The following BRD1 variants were observed in gnomAD, a reference collection of about 807,000 sequenced individuals.
The protein encoded by BRD1 is bromodomain-containing protein 1.
BRD1 carries 24 observed loss-of-function variants against 107.7 expected under a neutral mutation model. The ratio of observed to expected loss-of-function variants is 0.22; its 90% CI spans 0.16 to 0.31. BRD1 has a LOEUF of 0.31. BRD1 is among the 10% of genes least tolerant of loss of function. The pLI is 1.00. For missense variants in BRD1, 1,279 were observed against 1,638.6 expected, an observed-to-expected ratio of 0.78 and a Z score of 3.79; for synonymous variants, 744 against 686.1, an observed-to-expected ratio of 1.08 and a Z score of -1.32.
chr22:49,780,164 G>A (rs1331998903), intron 8 of BRD1, among the ~76,000 whole-genome samples: 1 of 152,096 alleles, frequency 6.6e-6, no homozygotes, highest in East Asian at 1.9e-4. Flanking sequence ...GAGATCACCC[G>A]CAGCTGTGCC....
intron 8 of BRD1, among the ~76,000 whole-genome samples, chr22:49,784,294 G>A (rs1211407514): frequency 6.9e-6 from 1 of 144,668 alleles, no homozygotes. Context: ...TCTCCGCAAC[G>A]GCGGCGAGTA....
In BRD1 at chr22:49,777,230, C is replaced by G. The variant is rs1453897109; in HGVS notation, c.2994-69G>C. ...CTTCAGCCTCACTCGGGCTTCGTCC[C>G]GTGAGCTGTCCGCCACCAAGCTGGC... On this transcript the variant is annotated intron_variant, in intron 9 of 12. Transcript: ENST00000404760. The G allele has an allele frequency of 1.9e-6, 3 of 1,588,868 alleles. No individual in the cohort carries two copies. In the South Asian group the frequency reaches 3.3e-5, roughly 18 times the overall value.
chr22:49,793,139 G>C (rs1220317758), intron 7 of BRD1, among the ~76,000 whole-genome samples: 3 of 152,196 alleles, frequency 2.0e-5, no homozygotes, highest in African/African-American at 7.2e-5. Flanking sequence ...CGTGTAACCG[G>C]AGCGTGTCAA....
chr22:49,780,106 C>A (rs564201083), intron 8 of BRD1, among the ~76,000 whole-genome samples: 1 of 152,262 alleles, frequency 6.6e-6, no homozygotes, highest in African/African-American at 2.4e-5. Flanking sequence ...ATGACCAGTG[C>A]GGCCTTCACA....
chr22:49,791,551 G>C (rs1285611119), intron 7 of BRD1, among the ~76,000 whole-genome samples: 1 of 152,226 alleles, frequency 6.6e-6, no homozygotes, highest in Non-Finnish European at 1.5e-5. Flanking sequence ...GAACGTTCAT[G>C]CTGGGTTTTT....
rs547261276 is a variant in BRD1, at chr22:49,776,179, C to T, written c.3122-20G>A. ...CGACTTCTGCGGAGAGGGGCGTCAG[C>T]AGGACACAGGCGTCAGCAGGACACG... On this transcript the variant is annotated intron_variant, in intron 10 of 12. Coordinates refer to ENST00000404760, the MANE Select transcript of BRD1 (RefSeq NM_001304808.3). 3 of 1,595,364 alleles carry T rather than the reference C, an allele frequency of 1.9e-6. No homozygotes were observed. The highest frequency in any genetic ancestry group is 2.2e-5 in the East Asian group (1 of 44,748).
chr22:49,824,165 G>T lies in BRD1; in HGVS notation c.153C>A (p.Ile51=), dbSNP rs1011860595. Residue 51 remains isoleucine (I), a synonymous_variant, in exon 2 of 13, where the codon ATC becomes ATA. Coordinates refer to ENST00000404760, the MANE Select transcript of BRD1 (RefSeq NM_001304808.3). The surrounding 1 kb of genome is among the most constrained non-coding windows in gnomAD (Gnocchi z 5.9). The part of the protein sequence containing the change: ...EIEIEGRLHR[I]SIFDPLEIIL... ...TGATCTCCAGGGGATCAAAAATACT[G>T]ATCCTGTGCAAGCGCCCTTCAATTT... is the stretch of plus-strand genomic sequence containing the variant. The T allele has an allele frequency of 9.3e-6, 15 of 1,613,946 alleles. No individual in the cohort carries two copies. Among genetic ancestry groups the T allele is most frequent in the Non-Finnish European group, 1.3e-5 (15 of 1,180,044 alleles).
At chr22:49,778,026 C>T (rs2059134201) in intron 8 of BRD1, among the ~76,000 whole-genome samples, 2 of 152,238 alleles carry the variant, frequency 1.3e-5, no homozygotes, top group Admixed American at 6.5e-5. Context: ...TAACAAACTG[C>T]AGTCGGCTCC....
Position 49,787,536 on chromosome 22 carries a change from G to A in BRD1, c.2711C>T (p.Pro904Leu). The change falls in exon 8 of 13, where the codon CCA (proline) becomes CTA (leucine). Residue 904 changes from proline (P) to leucine (L), a missense_variant. Physicochemically the swap from Pro to Leu is moderately conservative, Grantham distance 98 (BLOSUM62 -3). Transcript: ENST00000404760. Reference protein sequence around the residue: ...PKSAKNTETQPTSPQLGTKTF... With the variant: ...PKSAKNTETQLTSPQLGTKTF... ...TTTGGTCCCTAGCTGAGGAGAAGTT[G>A]GCTGGGTTTCAGTGTTCTTGGCAGA... is the stretch of plus-strand genomic sequence containing the variant. 1 of 1,609,464 alleles carries A rather than the reference G, an allele frequency of 6.2e-7. No homozygotes were observed. Among genetic ancestry groups the A allele is most frequent in the Non-Finnish European group, 8.5e-7 (1 of 1,177,824 alleles).
intron 8 of BRD1, among the ~76,000 whole-genome samples, chr22:49,782,860 C>T (rs577226508): frequency 3.2e-4 from 48 of 149,970 alleles, no homozygotes; most frequent in African/African-American, 1.1e-3. Context: ...GGACCCGCTC[C>T]GCGACAATGC....
chr22:49,827,318 G>T (rs930272171), intron 1 of BRD1, among the ~76,000 whole-genome samples, 179 bp downstream of exon 1: 25 of 147,484 alleles, frequency 1.7e-4, no homozygotes, highest in African/African-American at 6.0e-4. Flanking sequence ...TCCCCGCCCG[G>T]CCTCCCCGGC....
chr22:49,786,834 G>A (rs192301590), intron 8 of BRD1, among the ~76,000 whole-genome samples: 16 of 152,312 alleles, frequency 1.1e-4, no homozygotes, highest in Non-Finnish European at 4.4e-5. Flanking sequence ...GAAGGGGCCA[G>A]GTGCAGCGGC....
At chr22:49,774,514 A>G (rs2059042473) in intron 12 of BRD1, 98 bp from the exon 13 acceptor site, 2 of 1,333,388 alleles carry the variant, frequency 1.5e-6, no homozygotes, top group Non-Finnish European at 2.1e-6. Flanking sequence ...CCTCCGATAG[A>G]AAGGGGCCCT....
intron 3 of BRD1, among the ~76,000 whole-genome samples, chr22:49,800,063 T>C (rs2059613159): frequency 6.6e-6 from 1 of 152,194 alleles, no homozygotes. Flanking sequence ...TTCTGGCACA[T>C]GCTTCACAGC....
chr22:49,775,999 A>G, intron 11 of BRD1, 51 bp downstream of exon 11: 2 of 1,521,602 alleles, frequency 1.3e-6, no homozygotes, highest in Non-Finnish European at 1.8e-6. Flanking sequence ...CCCGCCCCGC[A>G]GCTGTGTGAG....
chr22:49,774,912 A>G (rs1453726776), intron 12 of BRD1, among the ~76,000 whole-genome samples: 1 of 152,240 alleles, frequency 6.6e-6, no homozygotes, highest in Non-Finnish European at 1.5e-5. Context: ...CAGGCACACC[A>G]TAGGCAGGTG....
intron 4 of BRD1, 79 bp downstream of exon 4, chr22:49,798,909 C>A (rs2059587509): frequency 2.6e-6 from 4 of 1,517,348 alleles, no homozygotes; most frequent in Non-Finnish European, 3.5e-6. Flanking sequence ...GTGCAGCCCA[C>A]CCTCTGCAGG....
intron 1 of BRD1, among the ~76,000 whole-genome samples, chr22:49,827,233 C>T (rs2060156218): frequency 6.6e-6 from 1 of 151,110 alleles, no homozygotes; most frequent in South Asian, 2.1e-4. Context: ...CCCGGCCTGA[C>T]CTACCCGGTC....
intron 3 of BRD1, among the ~76,000 whole-genome samples, chr22:49,801,143 G>C (rs2059632650): frequency 6.6e-6 from 1 of 152,250 alleles, no homozygotes; most frequent in Non-Finnish European, 1.5e-5. Flanking sequence ...AAAGCTGCAG[G>C]ATGCGCTCCC....
Sources: allele counts gnomAD v4.1 joint callset (sites outside exome capture counted in the v4.1 genomes callset), GRCh38; gene constraint gnomAD v4.1.1; non-coding constraint Gnocchi (gnomAD v3.1); transcripts MANE v1.5; gene names NCBI Gene and HGNC (gene_info 2026-07-23, HGNC 2026-07-21).